Variants in SYNCRIP observed in about 807,000 individuals in gnomAD.
SYNCRIP encodes synaptotagmin binding cytoplasmic RNA interacting protein, also known as heterogeneous nuclear ribonucleoprotein Q.
In SYNCRIP, 9 loss-of-function variants were observed where a neutral mutation model predicts 68.9. That is an observed-to-expected ratio of 0.13 (90% confidence interval 0.08 to 0.23). The LOEUF is 0.23. Ranked by LOEUF, SYNCRIP falls within the 10% of genes least tolerant of loss-of-function variation. SYNCRIP has a pLI of 1.00. For missense variants in SYNCRIP, 414 were observed against 770.6 expected, an observed-to-expected ratio of 0.54 and a Z score of 5.48; for synonymous variants, 258 against 254.0, an observed-to-expected ratio of 1.02 and a Z score of -0.15.
chr6:85,632,651 G>A (rs1179658751), intron 6 of SYNCRIP, among the ~76,000 whole-genome samples: 3 of 151,984 alleles, frequency 2.0e-5, no homozygotes, highest in African/African-American at 7.3e-5. Flanking sequence ...TAAAAAAAAA[G>A]TAAACAATGG....
intron 6 of SYNCRIP, among the ~76,000 whole-genome samples, chr6:85,631,866 T>C (rs1429275427): frequency 6.6e-6 from 1 of 152,192 alleles, no homozygotes; most frequent in Non-Finnish European, 1.5e-5. Context: ...GAAAGGGTTG[T>C]TGAGGCTGAA....
chr6:85,643,032 C>G (rs1397801729), upstream of SYNCRIP: 3 of 148,380 alleles, frequency 2.0e-5, no homozygotes, highest in East Asian at 6.1e-4. Context: ...TCCCCTCCCT[C>G]GCGCGTCCGC....
At chr6:85,641,250 A>AG (rs768508731) in intron 2 of SYNCRIP, 42 bp downstream of exon 2, 1 of 1,559,948 alleles carries the variant, frequency 6.4e-7, no homozygotes, top group South Asian at 1.1e-5. Flanking sequence ...GAAATCCAAT[A>AG]GAAAAATTTC....
chr6:85,636,632 G>A (rs1044614848), intron 6 of SYNCRIP, among the ~76,000 whole-genome samples: 1 of 152,120 alleles, frequency 6.6e-6, no homozygotes, highest in African/African-American at 2.4e-5. Context: ...GCTCAGGTAT[G>A]GCCAGGAAGT....
chr6:85,624,716 T>C (rs73483585), intron 6 of SYNCRIP, among the ~76,000 whole-genome samples: 1,730 of 152,298 alleles, frequency 0.011, 20 homozygotes, highest in African/African-American at 0.029. Context: ...AAAAAGTAAA[T>C]TGAATTTTCG....
chr6:85,629,715 G>A (rs955618575), intron 6 of SYNCRIP, among the ~76,000 whole-genome samples: 2 of 151,938 alleles, frequency 1.3e-5, no homozygotes, highest in Middle Eastern at 3.4e-3. Context: ...CCAGCTACTC[G>A]GGAGGCTGAG....
chr6:85,626,595 G>A (rs1358476475), intron 6 of SYNCRIP, among the ~76,000 whole-genome samples: 1 of 152,008 alleles, frequency 6.6e-6, no homozygotes, highest in East Asian at 1.9e-4. Flanking sequence ...ACCATTGAGA[G>A]GAACCAAAAT....
At chr6:85,637,473 A>T (rs201857474) in intron 4 of SYNCRIP, 117 bp from the exon 5 acceptor site, 1 of 180,808 alleles carries the variant, frequency 5.5e-6, no homozygotes. Context: ...TTCCCTTATA[A>T]AAACAGGTTT....
chr6:85,635,044 T>C (rs1226299589), intron 6 of SYNCRIP, among the ~76,000 whole-genome samples: 3 of 152,046 alleles, frequency 2.0e-5, no homozygotes, highest in African/African-American at 7.2e-5. Flanking sequence ...ACGCGCCTAT[T>C]ATCCCAGCTA....
At chr6:85,612,178 C>T (rs1805302683), downstream of SYNCRIP, 1 of 152,120 alleles carries the variant, frequency 6.6e-6, no homozygotes, top group African/African-American at 2.4e-5. Flanking sequence ...AAATCTTACC[C>T]TCATATCATA....
At chr6:85,627,270 C>CAAA (rs1294163865) in intron 6 of SYNCRIP, among the ~76,000 whole-genome samples, 5 of 47,054 alleles carry the variant, frequency 1.1e-4, no homozygotes, top group Non-Finnish European at 2.3e-4. Context: ...TCCATCTCTA[C>CAAA]AAAAAAAAAA....
intron 6 of SYNCRIP, among the ~76,000 whole-genome samples, chr6:85,634,394 T>C (rs1213660995): frequency 6.6e-6 from 1 of 152,164 alleles, no homozygotes; most frequent in Non-Finnish European, 1.5e-5. Context: ...ACGATGTCAG[T>C]TTAATGATTC....
chr6:85,621,223 T>C (rs1005117952), intron 8 of SYNCRIP, among the ~76,000 whole-genome samples: 3 of 152,202 alleles, frequency 2.0e-5, no homozygotes, highest in African/African-American at 7.2e-5. Flanking sequence ...CCTTCAATAA[T>C]ATTCATAGCT....
At chr6:85,632,154 T>A (rs1562100946) in intron 6 of SYNCRIP, among the ~76,000 whole-genome samples, 1 of 152,200 alleles carries the variant, frequency 6.6e-6, no homozygotes, top group African/African-American at 2.4e-5. Flanking sequence ...AAATATAAAG[T>A]CTACAGTACT....
intron 8 of SYNCRIP, among the ~76,000 whole-genome samples, chr6:85,619,711 A>G (rs1806173924): frequency 1.3e-5 from 2 of 152,206 alleles, no homozygotes; most frequent in South Asian, 4.1e-4. Context: ...AACTATTAGA[A>G]TGGCCAAAAT....
chr6:85,633,161 CAGG>C (rs1425653200), intron 6 of SYNCRIP, among the ~76,000 whole-genome samples: 2 of 151,752 alleles, frequency 1.3e-5, no homozygotes, highest in African/African-American at 4.8e-5. Flanking sequence ...GAGGCTGAGG[CAGG>C]AGAATGGCGT....
At chr6:85,612,886 T>A (rs1805352590), downstream of SYNCRIP, 4 of 1,550,794 alleles carry the variant, frequency 2.6e-6, no homozygotes, top group East Asian at 7.3e-5. Context: ...CAGTCTTCAT[T>A]GTAACAGGTC....
chr6:85,637,929 GTAAC>G (rs1264554917), intron 4 of SYNCRIP, among the ~76,000 whole-genome samples: 1 of 152,136 alleles, frequency 6.6e-6, no homozygotes, highest in African/African-American at 2.4e-5. Context: ...TCAGAAAAAA[GTAAC>G]AGCCAAAACG....
chr6:85,642,996 C>T (rs1358760233), upstream of SYNCRIP: 1 of 143,736 alleles, frequency 7.0e-6, no homozygotes, highest in African/African-American at 2.5e-5. Flanking sequence ...CCCGCGTGAC[C>T]CCCCCTTCCC....
Sources: gnomAD v4.1 joint callset for allele counts (sites outside exome capture counted in the v4.1 genomes callset) on GRCh38, gnomAD v4.1.1 for gene constraint, MANE v1.5 for transcripts, NCBI Gene and HGNC (gene_info 2026-07-23, HGNC 2026-07-21) for gene names.